Variants in NALCN observed in about 807,000 individuals in gnomAD.
The protein encoded by NALCN is sodium leak channel, non-selective.
A neutral mutation model predicts 225.3 loss-of-function variants in NALCN; 111 were observed. The observed-to-expected ratio is 0.49, with a 90% CI of 0.42 to 0.58. The LOEUF is 0.58. Among genes scored for constraint, NALCN ranks in the 20% least tolerant of loss-of-function variants. The probability of loss-of-function intolerance (pLI) is 0.00; values close to 1 mark genes in which losing one functional copy is unlikely to be tolerated. For missense variants in NALCN, 1,378 were observed against 2,202.4 expected (o/e 0.63, Z 7.49); for synonymous variants, 764 against 769.0 (o/e 0.99, Z 0.11).
intron 18 of NALCN, 129 bp from the exon 19 acceptor site, chr13:101,111,355 GTATAAT>G: frequency 1.5e-6 from 1 of 666,680 alleles, no homozygotes; most frequent in Non-Finnish European, 2.3e-6. Flanking sequence ...AGCAAATAAC[GTATAAT>G]TATAAAGGAA....
intron 7 of NALCN, among the ~76,000 whole-genome samples, chr13:101,331,473 G>A (rs771368306): frequency 6.6e-6 from 1 of 152,138 alleles, no homozygotes; most frequent in African/African-American, 2.4e-5. Context: ...AAGAATTTGA[G>A]CTTGAAAATA....
intron 15 of NALCN, among the ~76,000 whole-genome samples, chr13:101,157,967 G>A (rs1470650155): frequency 6.6e-6 from 1 of 152,040 alleles, no homozygotes; most frequent in Non-Finnish European, 1.5e-5. Flanking sequence ...TGGCCAGGCT[G>A]GTCTCAAACT....
intron 18 of NALCN, among the ~76,000 whole-genome samples, chr13:101,121,968 T>TAAAA (rs1176589661): frequency 1.4e-5 from 2 of 147,322 alleles, no homozygotes; most frequent in South Asian, 4.4e-4. Context: ...TTTTTTTTTT[T>TAAAA]AAAAAAAATT....
At chr13:101,393,815 A>T (rs1231655669) in intron 3 of NALCN, among the ~76,000 whole-genome samples, 2 of 152,188 alleles carry the variant, frequency 1.3e-5, no homozygotes, top group African/African-American at 4.8e-5. Flanking sequence ...CCCAAAAACG[A>T]AAACAAAAAC....
At chr13:101,214,894 C>G (rs2040670501) in intron 13 of NALCN, among the ~76,000 whole-genome samples, 1 of 152,080 alleles carries the variant, frequency 6.6e-6, no homozygotes, top group South Asian at 2.1e-4. Context: ...TGCCTCTTGA[C>G]TTGGGCACTC....
chr13:101,320,767 C>T (rs7321884), intron 7 of NALCN, among the ~76,000 whole-genome samples: 6,595 of 152,088 alleles, frequency 0.043, 337 homozygotes, highest in East Asian at 0.26. Context: ...ACAATGAACT[C>T]GCCTATTATT....
chr13:101,187,775 T>C (rs2039509688), intron 14 of NALCN, among the ~76,000 whole-genome samples: 1 of 152,158 alleles, frequency 6.6e-6, no homozygotes, highest in South Asian at 2.1e-4. Flanking sequence ...ACTATTGCAC[T>C]TGGGAGGGTA....
intron 34 of NALCN, among the ~76,000 whole-genome samples, chr13:101,079,844 G>T (rs1299988640): frequency 6.6e-6 from 1 of 152,134 alleles, no homozygotes; most frequent in Non-Finnish European, 1.5e-5. Flanking sequence ...GTTTAAGAAG[G>T]ACGCTCACTA....
At chr13:101,279,828 AAATAAATAAAAT>A (rs2043099307) in intron 10 of NALCN, among the ~76,000 whole-genome samples, 2 of 55,288 alleles carry the variant, frequency 3.6e-5, no homozygotes, top group South Asian at 7.1e-4. Flanking sequence ...AAAAATAAAT[AAATAAATAAAAT>A]AAATAAATAA....
chr13:101,278,595 C>T (rs1463022860), intron 10 of NALCN, among the ~76,000 whole-genome samples: 1 of 146,734 alleles, frequency 6.8e-6, no homozygotes, highest in African/African-American at 2.5e-5. Context: ...CACTATATTT[C>T]TAAACATAAG....
At chr13:101,250,459 A>C (rs997884925) in intron 11 of NALCN, among the ~76,000 whole-genome samples, 6 of 152,078 alleles carry the variant, frequency 3.9e-5, no homozygotes, top group African/African-American at 1.4e-4. Flanking sequence ...CCAGAAACAC[A>C]ATTGTGCACA....
At chr13:101,110,722 C>T (rs376077188) in intron 19 of NALCN, 34 bp from the exon 20 acceptor site, 107 of 1,606,686 alleles carry the variant, frequency 6.7e-5, no homozygotes, top group Non-Finnish European at 8.3e-5. Flanking sequence ...TAATACATCT[C>T]AAGATCAAAC....
intron 7 of NALCN, among the ~76,000 whole-genome samples, chr13:101,325,924 T>A (rs998509955): frequency 2.0e-5 from 3 of 152,198 alleles, no homozygotes; most frequent in Non-Finnish European, 4.4e-5. Flanking sequence ...AACAGTTTAG[T>A]TTAGAAATTT....
intron 3 of NALCN, among the ~76,000 whole-genome samples, chr13:101,390,787 G>A (rs925158742): frequency 1.3e-5 from 2 of 151,954 alleles, no homozygotes; most frequent in African/African-American, 2.4e-5. Flanking sequence ...AAATGAAAAT[G>A]TGAGACAAAC....
chr13:101,081,175 G>A (rs557103132), intron 34 of NALCN, among the ~76,000 whole-genome samples: 1 of 152,346 alleles, frequency 6.6e-6, no homozygotes, highest in East Asian at 1.9e-4. Flanking sequence ...ACTAGCTTGT[G>A]TGAATTTGGA....
intron 13 of NALCN, among the ~76,000 whole-genome samples, chr13:101,216,654 TCA>T (rs1218080271): frequency 6.6e-6 from 1 of 152,162 alleles, no homozygotes; most frequent in South Asian, 2.1e-4. Context: ...ATTAAAAATG[TCA>T]CACACTCTCA....
chr13:101,213,994 G>A (rs865976519), intron 13 of NALCN, among the ~76,000 whole-genome samples: 1 of 152,092 alleles, frequency 6.6e-6, no homozygotes, highest in East Asian at 1.9e-4. Flanking sequence ...ACATGCACAC[G>A]TATGTTTATT....
intron 13 of NALCN, among the ~76,000 whole-genome samples, chr13:101,207,548 G>A (rs1407992638): frequency 2.0e-5 from 3 of 152,052 alleles, no homozygotes; most frequent in Non-Finnish European, 4.4e-5. Flanking sequence ...AAAATGTTTT[G>A]ATACATAGTA....
Position 101,397,666 on chromosome 13 carries a change from T to C in NALCN, c.108+1353A>G, listed in dbSNP as rs560119214. Among the ~76,000 whole-genome samples, 13 of 151,542 alleles carry C rather than the reference T, an allele frequency of 8.6e-5. No homozygotes were observed. The East Asian group carries it at 2.5e-3, about 29-fold the overall frequency. The stretch of plus-strand genomic sequence containing the variant: ...TGTGTATATAACATGTATATATACC[T>C]AAGACAATAGATCCATAAATATATG... On this transcript the variant is annotated intron_variant, in intron 2 of 43. Coordinates refer to ENST00000251127, the MANE Select transcript of NALCN (RefSeq NM_052867.4).
Sources: allele counts gnomAD v4.1 joint callset (sites outside exome capture counted in the v4.1 genomes callset), GRCh38; gene constraint gnomAD v4.1.1; transcripts MANE v1.5; gene names NCBI Gene and HGNC (gene_info 2026-07-23, HGNC 2026-07-21).